Variants in EFCAB13 observed in about 807,000 individuals in gnomAD.
EFCAB13 encodes the protein EF-hand calcium-binding domain-containing protein 13.
A neutral mutation model predicts 110.2 loss-of-function variants in EFCAB13; 91 were observed. The observed-to-expected ratio is 0.83, with a 90% CI of 0.70 to 0.98. The LOEUF (loss-of-function observed/expected upper bound fraction) is 0.98. Ranked by LOEUF, EFCAB13 falls within the 50% of genes least tolerant of loss-of-function variation. The probability of loss-of-function intolerance (pLI) is 0.00; values close to 1 mark genes in which losing one functional copy is unlikely to be tolerated. For missense variants in EFCAB13, 968 were observed against 1,119.4 expected, an observed-to-expected ratio of 0.86 and a Z score of 1.93; for synonymous variants, 323 against 369.9, an observed-to-expected ratio of 0.87 and a Z score of 1.45.
intron 24 of EFCAB13, chr17:47,430,314 C>T (rs1316673190): frequency 1.6e-6 from 1 of 622,224 alleles, no homozygotes; most frequent in Non-Finnish European, 2.0e-6. Context: ...ATGATGATAT[C>T]CAGGGATACC....
At chr17:47,335,502 T>A in intron 5 of EFCAB13, 146 bp downstream of exon 5, 1 of 594,496 alleles carries the variant, frequency 1.7e-6, no homozygotes, top group Non-Finnish European at 2.6e-6. Context: ...AGTAGCATAA[T>A]TTTAACTCCT....
intron 17 of EFCAB13, among the ~76,000 whole-genome samples, chr17:47,400,941 C>T (rs1311734539): frequency 6.6e-6 from 1 of 152,108 alleles, no homozygotes; most frequent in African/African-American, 2.4e-5. Flanking sequence ...TAGTGGAAGG[C>T]CATCCTGAGT....
At chr17:47,341,770 G>A in intron 5 of EFCAB13, 151 bp from the exon 6 acceptor site, 1 of 550,816 alleles carries the variant, frequency 1.8e-6, no homozygotes, top group Admixed American at 3.8e-5. Flanking sequence ...GAACAGGGAT[G>A]GGATATAGAT....
intron 7 of EFCAB13, 145 bp downstream of exon 7, chr17:47,344,437 T>C: frequency 1.9e-6 from 2 of 1,041,662 alleles, no homozygotes; most frequent in Non-Finnish European, 1.3e-6. Flanking sequence ...ATAAGAGCAC[T>C]GTATATGGAA....
intron 3 of EFCAB13, chr17:47,327,928 C>G (rs1453431228): frequency 4.0e-6 from 1 of 249,900 alleles, no homozygotes; most frequent in African/African-American, 2.2e-5. Flanking sequence ...ATTTAGCACA[C>G]AGTAAGCATT....
chr17:47,378,663 C>T (rs1320700796), intron 13 of EFCAB13, among the ~76,000 whole-genome samples: 1 of 152,054 alleles, frequency 6.6e-6, no homozygotes, highest in East Asian at 1.9e-4. Context: ...TTGACATGAT[C>T]ACTCTGAGGG....
chr17:47,425,854 G>C (rs1904934575), intron 23 of EFCAB13, among the ~76,000 whole-genome samples: 1 of 152,184 alleles, frequency 6.6e-6, no homozygotes, highest in Admixed American at 6.5e-5. Context: ...TTGCTGCGCA[G>C]AACTATCGTA....
intron 10 of EFCAB13, among the ~76,000 whole-genome samples, chr17:47,366,318 T>G (rs369323932): frequency 5.3e-5 from 8 of 152,046 alleles, no homozygotes; most frequent in Non-Finnish European, 5.9e-5. Context: ...ATAGCAGTTT[T>G]TTTTTTTTTT....
intron 2 of EFCAB13, among the ~76,000 whole-genome samples, chr17:47,325,594 C>G (rs972080376): frequency 1.3e-5 from 2 of 152,168 alleles, no homozygotes; most frequent in Admixed American, 6.5e-5. Context: ...CCCACTATTC[C>G]TTGAACATTC....
intron 24 of EFCAB13, among the ~76,000 whole-genome samples, chr17:47,434,768 A>C (rs1210580130): frequency 2.0e-5 from 3 of 151,898 alleles, no homozygotes; most frequent in African/African-American, 7.3e-5. Flanking sequence ...TCGACAAAAC[A>C]AACAAAAGCA....
intron 14 of EFCAB13, among the ~76,000 whole-genome samples, chr17:47,381,226 T>G (rs1383829544): frequency 1.3e-5 from 2 of 152,182 alleles, no homozygotes; most frequent in Non-Finnish European, 1.5e-5. Flanking sequence ...TAAATTTGTT[T>G]AAGTGCTTTG....
chr17:47,409,816 A>T (rs1007757865), intron 21 of EFCAB13, 125 bp downstream of exon 21: 2 of 708,382 alleles, frequency 2.8e-6, no homozygotes, highest in African/African-American at 3.6e-5. Flanking sequence ...ATTTTTCCAC[A>T]ATAGTAATCT....
intron 12 of EFCAB13, among the ~76,000 whole-genome samples, chr17:47,377,164 T>C (rs187403586): frequency 6.6e-6 from 1 of 152,158 alleles, no homozygotes; most frequent in African/African-American, 2.4e-5. Context: ...TCATTAATTT[T>C]ACACACACAC....
chr17:47,404,420 TA>T, intron 19 of EFCAB13, 141 bp from the exon 20 acceptor site: 1 of 620,752 alleles, frequency 1.6e-6, no homozygotes, highest in Admixed American at 3.1e-5. Flanking sequence ...TTGCGAGGCT[TA>T]ATGGATGAAA....
chr17:47,353,985 T>C (rs1457490976), intron 9 of EFCAB13, among the ~76,000 whole-genome samples: 4 of 152,200 alleles, frequency 2.6e-5, no homozygotes, highest in African/African-American at 7.2e-5. Flanking sequence ...CAATTTGTGC[T>C]CTTTCAGACT....
intron 3 of EFCAB13, among the ~76,000 whole-genome samples, chr17:47,327,522 A>G (rs1043636417): frequency 5.3e-5 from 8 of 149,984 alleles, no homozygotes; most frequent in African/African-American, 2.0e-4. Flanking sequence ...CAGTGGTGCG[A>G]TCTTGGCTCA....
At chr17:47,380,978 G>A (rs1352861648) in intron 14 of EFCAB13, among the ~76,000 whole-genome samples, 4 of 150,752 alleles carry the variant, frequency 2.7e-5, no homozygotes, top group East Asian at 2.0e-4. Context: ...TGCCTCCTGG[G>A]TTCAAGTGAT....
At chr17:47,351,317 G>GCGCGCGCGTGCA (rs2065451501) in intron 9 of EFCAB13, among the ~76,000 whole-genome samples, 1 of 113,916 alleles carries the variant, frequency 8.8e-6, no homozygotes, top group Non-Finnish European at 1.9e-5. Flanking sequence ...GCGCGCGCGC[G>GCGCGCGCGTGCA]CGCGCGCGCG....
intron 3 of EFCAB13, among the ~76,000 whole-genome samples, chr17:47,326,705 G>A (rs1408446296): frequency 6.6e-6 from 1 of 152,182 alleles, no homozygotes. Context: ...GGTAAATATT[G>A]AACTGGTTGG....
Sources: gnomAD v4.1 joint callset for allele counts (sites outside exome capture counted in the v4.1 genomes callset) on GRCh38, gnomAD v4.1.1 for gene constraint, MANE v1.5 for transcripts, NCBI Gene and HGNC (gene_info 2026-07-23, HGNC 2026-07-21) for gene names.